The following PSMD1 variants were observed in gnomAD, a reference collection of about 807,000 sequenced individuals.
The protein encoded by PSMD1 is 26S proteasome non-ATPase regulatory subunit 1.
In PSMD1, 18 loss-of-function variants were observed where a neutral mutation model predicts 119.0. The observed-to-expected ratio is 0.15, with a 90% CI of 0.10 to 0.22. The LOEUF (loss-of-function observed/expected upper bound fraction) is 0.22. Among genes scored for constraint, PSMD1 ranks in the 10% least tolerant of loss-of-function variants. The pLI is 1.00. For missense variants in PSMD1, 702 were observed against 1,158.5 expected (o/e 0.61, Z 5.72); for synonymous variants, 374 against 396.6 (o/e 0.94, Z 0.68).
intron 16 of PSMD1, among the ~76,000 whole-genome samples, chr2:231,093,333 CTG>C (rs1328434741): frequency 1.3e-5 from 2 of 152,178 alleles, no homozygotes; most frequent in African/African-American, 4.8e-5. Flanking sequence ...TGAATGGTGT[CTG>C]TGTCTGGAGC....
intron 9 of PSMD1, 72 bp from the exon 10 acceptor site, chr2:231,078,583 TCTGA>T (rs1360193735): frequency 9.6e-7 from 1 of 1,036,944 alleles, no homozygotes; most frequent in Non-Finnish European, 1.4e-6. Context: ...AAATAGGACC[TCTGA>T]CTGTGTGTGT....
At chr2:231,124,917 A>T (rs1383804848) in intron 16 of PSMD1, 1 of 152,038 alleles carries the variant, frequency 6.6e-6, no homozygotes, top group African/African-American at 2.4e-5. Flanking sequence ...GAATTCTTGA[A>T]GATTAAAAAA....
intron 16 of PSMD1, among the ~76,000 whole-genome samples, chr2:231,117,039 G>A (rs1190772995): frequency 1.3e-5 from 2 of 151,920 alleles, no homozygotes; most frequent in Non-Finnish European, 2.9e-5. Context: ...ATTAAAAACA[G>A]TTCTAGACAC....
chr2:231,139,335 T>TTC (rs1696048955), intron 17 of PSMD1, among the ~76,000 whole-genome samples: 1 of 145,846 alleles, frequency 6.9e-6, no homozygotes, highest in Non-Finnish European at 1.5e-5. Flanking sequence ...TTTTTTTTTT[T>TTC]TTCTTTTGAG....
chr2:231,088,641 G>A (rs1480673074), intron 16 of PSMD1, among the ~76,000 whole-genome samples: 4 of 152,180 alleles, frequency 2.6e-5, no homozygotes, highest in South Asian at 2.1e-4. Flanking sequence ...ATCAATAAAT[G>A]TGTGTTCTGA....
rs944890893 is a variant in PSMD1 at position 231,090,888 on chromosome 2, C to T, written c.1883+3707C>T. ...AACATCAATGGCTGAGGAGTTGTTT[C>T]TTGGGATGAGCAAAGAAAGTAGTTT... On this transcript the variant is annotated intron_variant, in intron 16 of 24. Transcript: ENST00000308696. Among the ~76,000 whole-genome samples, 8 of 152,146 alleles carry T rather than the reference C, an allele frequency of 5.3e-5. No individual in the cohort carries two copies. In the South Asian group the frequency reaches 8.3e-4, roughly 16 times the overall value.
At chr2:231,119,516 A>T (rs1695457706) in intron 16 of PSMD1, among the ~76,000 whole-genome samples, 2 of 152,170 alleles carry the variant, frequency 1.3e-5, no homozygotes, top group African/African-American at 4.8e-5. Flanking sequence ...GCCATTTTAT[A>T]TACTCTTTCA....
At chr2:231,081,900 T>C (rs948500800) in intron 12 of PSMD1, among the ~76,000 whole-genome samples, 1 of 152,186 alleles carries the variant, frequency 6.6e-6, no homozygotes, top group African/African-American at 2.4e-5. Flanking sequence ...CCTCAACCCA[T>C]GAACATACTC....
intron 16 of PSMD1, among the ~76,000 whole-genome samples, chr2:231,099,007 G>T (rs1347172635): frequency 6.6e-6 from 1 of 152,154 alleles, no homozygotes; most frequent in Non-Finnish European, 1.5e-5. Context: ...GGGGTATTTA[G>T]GTTGGGAGGG....
intron 4 of PSMD1, among the ~76,000 whole-genome samples, chr2:231,063,538 C>G (rs1363698052): frequency 1.3e-5 from 2 of 152,192 alleles, no homozygotes; most frequent in African/African-American, 4.8e-5. Flanking sequence ...AGTTGGTATT[C>G]TCTTTTAGAA....
chr2:231,161,199 T>C, intron 19 of PSMD1, 141 bp from the exon 20 acceptor site: 2 of 790,638 alleles, frequency 2.5e-6, no homozygotes, highest in South Asian at 4.1e-5. Flanking sequence ...TGTTTCACTC[T>C]GTCACCCGAG....
At chr2:231,083,110 GA>G (rs1162869837) in intron 13 of PSMD1, 116 bp downstream of exon 13, 8 of 808,402 alleles carry the variant, frequency 9.9e-6, no homozygotes, top group Admixed American at 5.8e-5. Context: ...TTCTCTAGTT[GA>G]AGAGGAAGTG....
intron 16 of PSMD1, among the ~76,000 whole-genome samples, chr2:231,110,409 GT>G (rs1695118205): frequency 2.0e-5 from 3 of 152,166 alleles, no homozygotes; most frequent in African/African-American, 7.2e-5. Flanking sequence ...TAAATATGAT[GT>G]TTCTTAGTGA....
intron 12 of PSMD1, 147 bp from the exon 13 acceptor site, chr2:231,082,736 C>T: frequency 3.3e-6 from 2 of 609,480 alleles, no homozygotes; most frequent in Non-Finnish European, 2.9e-6. Flanking sequence ...GAGTTTATCA[C>T]TGACCTTTTG....
At chr2:231,076,981 A>C in intron 8 of PSMD1, 53 bp from the exon 9 acceptor site, 2 of 1,518,854 alleles carry the variant, frequency 1.3e-6, no homozygotes, top group Non-Finnish European at 1.8e-6. Context: ...GGGTTACTGG[A>C]TTATAGTAAT....
intron 10 of PSMD1, among the ~76,000 whole-genome samples, chr2:231,079,291 A>G (rs1027211163): frequency 2.6e-5 from 4 of 152,136 alleles, no homozygotes; most frequent in African/African-American, 9.7e-5. Context: ...GAAATATATT[A>G]AGCTCTAAAA....
At chr2:231,161,854 T>A (rs1574778271) in intron 20 of PSMD1, among the ~76,000 whole-genome samples, 2 of 152,336 alleles carry the variant, frequency 1.3e-5, no homozygotes, top group East Asian at 3.9e-4. Context: ...AAATGATAAA[T>A]GAACATGAGA....
chr2:231,151,067 A>G (rs984765529), intron 18 of PSMD1, among the ~76,000 whole-genome samples: 1 of 152,232 alleles, frequency 6.6e-6, no homozygotes, highest in Non-Finnish European at 1.5e-5. Context: ...AGTACAATGC[A>G]TGGATCACAG....
At chr2:231,099,350 C>T (rs561294977) in intron 16 of PSMD1, among the ~76,000 whole-genome samples, 97 of 152,286 alleles carry the variant, frequency 6.4e-4, no homozygotes, top group Middle Eastern at 3.4e-3. Flanking sequence ...ATTAACATAT[C>T]GGATTAGAAG....
Sources: gnomAD v4.1 joint callset for allele counts (sites outside exome capture counted in the v4.1 genomes callset) on GRCh38, gnomAD v4.1.1 for gene constraint, MANE v1.5 for transcripts, NCBI Gene and HGNC (gene_info 2026-07-23, HGNC 2026-07-21) for gene names.